The following PDE1C variants were observed in gnomAD, a reference collection of about 807,000 sequenced individuals.
PDE1C encodes dual specificity calcium/calmodulin-dependent 3',5'-cyclic nucleotide phosphodiesterase 1C.
Under a neutral mutation model 93.1 loss-of-function variants are expected in PDE1C, and 62 were observed. The observed-to-expected ratio is 0.67, with a 90% CI of 0.54 to 0.82. PDE1C has a LOEUF of 0.82. Ranked by LOEUF, PDE1C falls within the 40% of genes least tolerant of loss-of-function variation. The probability of loss-of-function intolerance (pLI) is 0.00; values close to 1 mark genes in which losing one functional copy is unlikely to be tolerated. For missense variants in PDE1C, 742 were observed against 884.6 expected, an observed-to-expected ratio of 0.84 and a Z score of 2.04; for synonymous variants, 325 against 310.1, an observed-to-expected ratio of 1.05 and a Z score of -0.50.
chr7:31,845,088 A>G (rs967215886), intron 9 of PDE1C, among the ~76,000 whole-genome samples: 3 of 152,172 alleles, frequency 2.0e-5, no homozygotes, highest in Admixed American at 2.0e-4. Flanking sequence ...AAATTTCTTT[A>G]GCATCCCTTA....
chr7:32,194,230 T>C (rs867207665), intron 2 of PDE1C, among the ~76,000 whole-genome samples: 5 of 152,262 alleles, frequency 3.3e-5, no homozygotes, highest in African/African-American at 1.2e-4. Context: ...TTTAAGAAAA[T>C]AGCCCATTTC....
chr7:32,177,255 A>G (rs1409411591), intron 2 of PDE1C, among the ~76,000 whole-genome samples: 1 of 152,160 alleles, frequency 6.6e-6, no homozygotes, highest in African/African-American at 2.4e-5. Flanking sequence ...TTTGGAAGTG[A>G]TTCCAGGAGG....
the PDE1C span, among the ~76,000 whole-genome samples, chr7:31,727,307 G>A: frequency 3.9e-5 from 6 of 152,202 alleles, no homozygotes; most frequent in South Asian, 4.2e-4. Context: ...GGAGGGCATT[G>A]AAACAAGATT....
At chr7:32,068,584 A>T (rs1795671597) in intron 1 of PDE1C, among the ~76,000 whole-genome samples, 1 of 151,668 alleles carries the variant, frequency 6.6e-6, no homozygotes, top group Non-Finnish European at 1.5e-5. Flanking sequence ...TAGTTACATT[A>T]CACTGCAACA....
chr7:31,697,798 T>A, the PDE1C span, among the ~76,000 whole-genome samples: 996 of 152,304 alleles, frequency 6.5e-3, 8 homozygotes, highest in African/African-American at 0.023. Context: ...AGGCACTCAG[T>A]TTATCATGTC....
intron 1 of PDE1C, among the ~76,000 whole-genome samples, chr7:32,236,168 G>C (rs6969552): frequency 0.11 from 16,000 of 151,878 alleles, 903 homozygotes; most frequent in East Asian, 0.13. Flanking sequence ...CTAAATATAA[G>C]ATATAAAATC....
chr7:31,886,199 G>A (rs911888011), intron 2 of PDE1C, among the ~76,000 whole-genome samples: 3 of 152,072 alleles, frequency 2.0e-5, no homozygotes, highest in African/African-American at 4.8e-5. Context: ...CCATGTATTC[G>A]AACAGCATAC....
At position 32,420,150 on chromosome 7, in the gene PDE1C, C is replaced by T. The variant is rs1332356780; in HGVS notation, c.310+7672G>A. On this transcript the variant is annotated intron_variant, in intron 1 of 1. Transcript: ENST00000672256. ...ACACACACACACACACACACACACA[C>T]ACACACACATATATATGTGTATATA... is the stretch of plus-strand genomic sequence containing the variant. 3.2e-4 allele frequency among the ~76,000 whole-genome samples: 14 copies of T among 44,210 alleles called. 2 individuals are homozygous for T. Among genetic ancestry groups the T allele is most frequent in the East Asian group, 1.0e-3 (1 of 1,004 alleles). 29.0% of individuals were successfully genotyped at this position (44,210 alleles called of 152,430 possible). A position where few individuals can be genotyped will look rare whatever the true frequency, so the allele number is the denominator to read the frequency against.
chr7:32,295,893 C>CAAA (rs147462417), intron 1 of PDE1C, among the ~76,000 whole-genome samples: 4 of 85,100 alleles, frequency 4.7e-5, no homozygotes, highest in African/African-American at 1.3e-4. Context: ...GACTCTGTCT[C>CAAA]AAAAAAAAAA....
chr7:31,940,232 C>T (rs533073900), intron 2 of PDE1C, among the ~76,000 whole-genome samples: 1 of 152,282 alleles, frequency 6.6e-6, no homozygotes, highest in African/African-American at 2.4e-5. Context: ...CACAATGTCT[C>T]CTTCTAGCCC....
At chr7:31,873,713 T>C (rs1796213372) in intron 5 of PDE1C, among the ~76,000 whole-genome samples, 1 of 152,212 alleles carries the variant, frequency 6.6e-6, no homozygotes, top group Non-Finnish European at 1.5e-5. Flanking sequence ...AAGTGATAGA[T>C]ATTAGTCGCA....
At chr7:32,235,848 A>T (rs751562283) in intron 1 of PDE1C, among the ~76,000 whole-genome samples, 2 of 152,148 alleles carry the variant, frequency 1.3e-5, no homozygotes, top group Non-Finnish European at 2.9e-5. Flanking sequence ...AGCCAAAATG[A>T]TTTTAAAGAA....
intron 3 of PDE1C, among the ~76,000 whole-genome samples, chr7:32,152,130 T>C (rs1025435281): frequency 6.6e-6 from 1 of 152,210 alleles, no homozygotes; most frequent in African/African-American, 2.4e-5. Flanking sequence ...CTCCTTGCTC[T>C]GGAGTAGGGC....
intron 17 of PDE1C, among the ~76,000 whole-genome samples, chr7:31,757,628 A>C (rs141610095): frequency 0.22 from 33,575 of 151,984 alleles, 3,865 homozygotes; most frequent in Admixed American, 0.27. Flanking sequence ...AATGGCGATC[A>C]TTAAAAAGTC....
intron 2 of PDE1C, among the ~76,000 whole-genome samples, chr7:32,187,672 G>A (rs1420212851): frequency 2.0e-5 from 3 of 152,170 alleles, no homozygotes; most frequent in East Asian, 1.9e-4. Context: ...TGGAACAGAT[G>A]CAAGTTGCAT....
At chr7:31,618,247 G>A in the PDE1C span, among the ~76,000 whole-genome samples, 2 of 152,180 alleles carry the variant, frequency 1.3e-5, no homozygotes, top group South Asian at 2.1e-4. Flanking sequence ...CCCAATTTCT[G>A]CCCCCTCACT....
At chr7:32,192,704 C>T (rs893275970) in intron 2 of PDE1C, among the ~76,000 whole-genome samples, 1 of 152,024 alleles carries the variant, frequency 6.6e-6, no homozygotes, top group Non-Finnish European at 1.5e-5. Context: ...AGAATACTCT[C>T]ATCTATATAA....
At chr7:32,205,741 C>T (rs1805409690) in intron 2 of PDE1C, among the ~76,000 whole-genome samples, 1 of 152,188 alleles carries the variant, frequency 6.6e-6, no homozygotes, top group Admixed American at 6.5e-5. Context: ...TGCAGTTTCA[C>T]TCCTGAAGCC....
At chr7:32,105,522 T>C (rs1479005972) in intron 3 of PDE1C, among the ~76,000 whole-genome samples, 1 of 152,134 alleles carries the variant, frequency 6.6e-6, no homozygotes, top group Admixed American at 6.6e-5. Flanking sequence ...TCTTTGTGGA[T>C]GATAAAGTAG....
Sources: gnomAD v4.1 joint callset for allele counts (sites outside exome capture counted in the v4.1 genomes callset) on GRCh38, gnomAD v4.1.1 for gene constraint, MANE v1.5 for transcripts, NCBI Gene and HGNC (gene_info 2026-07-23, HGNC 2026-07-21) for gene names.